The following GRIK2 variants were observed in gnomAD, a reference collection of about 807,000 sequenced individuals.
GRIK2 encodes the protein glutamate ionotropic receptor kainate type subunit 2.
Under a neutral mutation model 100.3 loss-of-function variants are expected in GRIK2, and 32 were observed. That is an observed-to-expected ratio of 0.32 (90% CI 0.24 to 0.43). GRIK2 has a LOEUF of 0.43. GRIK2 is among the 20% of genes least tolerant of loss of function. GRIK2 has a pLI of 1.00. For synonymous variants in GRIK2, 417 were observed against 389.4 expected, an observed-to-expected ratio of 1.07 and a Z score of -0.83; for missense variants, 843 against 1,114.9, an observed-to-expected ratio of 0.76 and a Z score of 3.47.
At chr6:101,987,156 T>C (rs1332663122) in intron 14 of GRIK2, among the ~76,000 whole-genome samples, 1 of 151,644 alleles carries the variant, frequency 6.6e-6, no homozygotes, top group African/African-American at 2.4e-5. Context: ...GTCTCTGAAA[T>C]AAATAAATAA....
At chr6:102,034,521 A>T (rs1409748272) in intron 14 of GRIK2, among the ~76,000 whole-genome samples, 1 of 151,356 alleles carries the variant, frequency 6.6e-6, no homozygotes, top group Non-Finnish European at 1.5e-5. Flanking sequence ...TCACAGATGA[A>T]CTTTCAAGGA....
intron 14 of GRIK2, among the ~76,000 whole-genome samples, chr6:101,986,136 G>C (rs1794004188): frequency 6.6e-6 from 1 of 151,732 alleles, no homozygotes; most frequent in Non-Finnish European, 1.5e-5. Context: ...ATGCACTCGT[G>C]ATGTGATTTA....
At chr6:101,733,860 T>C (rs1775457021) in intron 7 of GRIK2, among the ~76,000 whole-genome samples, 1 of 152,038 alleles carries the variant, frequency 6.6e-6, no homozygotes, top group African/African-American at 2.4e-5. Flanking sequence ...CACTAAAACA[T>C]AGTTCAGCCA....
chr6:101,993,496 TA>T (rs1462561901), intron 14 of GRIK2: 1 of 151,290 alleles, frequency 6.6e-6, no homozygotes, highest in African/African-American at 2.4e-5. Context: ...TCAAAGATGA[TA>T]AAATATGTAT....
chr6:101,901,171 GAAAT>G (rs1455227308), intron 12 of GRIK2, among the ~76,000 whole-genome samples: 1 of 151,806 alleles, frequency 6.6e-6, no homozygotes, highest in Non-Finnish European at 1.5e-5. Flanking sequence ...ATATTGGTAA[GAAAT>G]AATTTTTTAC....
intron 4 of GRIK2, among the ~76,000 whole-genome samples, chr6:101,670,974 C>G (rs62421764): frequency 2.0e-5 from 3 of 152,100 alleles, no homozygotes; most frequent in East Asian, 1.9e-4. Flanking sequence ...AGATTCAAAC[C>G]CAACACCCCA....
chr6:102,040,234 C>G (rs531905199), intron 15 of GRIK2, among the ~76,000 whole-genome samples: 2 of 151,312 alleles, frequency 1.3e-5, no homozygotes, highest in East Asian at 3.9e-4. Context: ...ATAATTTTAG[C>G]CATACACAAA....
chr6:101,913,235 A>G (rs1354102970), intron 12 of GRIK2, among the ~76,000 whole-genome samples: 2 of 151,508 alleles, frequency 1.3e-5, no homozygotes, highest in African/African-American at 4.8e-5. Flanking sequence ...CATTTTAGTG[A>G]TTGTTTTATT....
intron 14 of GRIK2, among the ~76,000 whole-genome samples, chr6:101,980,515 T>C (rs969463675): frequency 2.0e-5 from 3 of 151,986 alleles, no homozygotes; most frequent in African/African-American, 7.2e-5. Context: ...CTTATCTCTA[T>C]AATAAATTGT....
In GRIK2 at chr6:102,004,265, C is replaced by T. The variant is rs187788961; in HGVS notation, c.2086-31076C>T. 4.3e-3 allele frequency among the ~76,000 whole-genome samples: 639 copies of T among 146,902 alleles called. 3 individuals carry two copies. Among genetic ancestry groups the T allele is most frequent in the Non-Finnish European group, 7.6e-3 (505 of 66,810 alleles). ...ATAGTTCTTTATGTCCCTTATATAT[C>T]CATTTTTTTTCCTGTAAGTTCATTT... On this transcript the variant is annotated intron_variant, in intron 14 of 16. Transcript: ENST00000369134.
At chr6:101,473,591 T>C (rs1772066880) in intron 2 of GRIK2, among the ~76,000 whole-genome samples, 1 of 151,882 alleles carries the variant, frequency 6.6e-6, no homozygotes, top group Admixed American at 6.6e-5. Context: ...ACTATTCCAA[T>C]GACTAATTCT....
At chr6:101,999,865 T>G (rs565914786) in intron 14 of GRIK2, among the ~76,000 whole-genome samples, 21 of 152,188 alleles carry the variant, frequency 1.4e-4, no homozygotes, top group Non-Finnish European at 1.9e-4. Context: ...GAAATATTCT[T>G]TTTTAGTGTT....
At chr6:101,634,118 T>C (rs761230197) in intron 4 of GRIK2, among the ~76,000 whole-genome samples, 1 of 152,064 alleles carries the variant, frequency 6.6e-6, no homozygotes, top group South Asian at 2.1e-4. Context: ...TGGAGAGCAA[T>C]AGGGCAACAC....
intron 7 of GRIK2, among the ~76,000 whole-genome samples, chr6:101,758,117 G>A (rs1228060273): frequency 6.6e-6 from 1 of 152,142 alleles, no homozygotes; most frequent in Non-Finnish European, 1.5e-5. Flanking sequence ...CAGCTACTTG[G>A]GAGGCTGAGG....
chr6:101,789,909 A>T (rs1779718838), intron 7 of GRIK2, among the ~76,000 whole-genome samples: 2 of 152,134 alleles, frequency 1.3e-5, no homozygotes, highest in African/African-American at 4.8e-5. Flanking sequence ...TTCTCCTTGA[A>T]GAGGTCCTTC....
At chr6:102,062,079 T>C (rs1228010575) in intron 16 of GRIK2, among the ~76,000 whole-genome samples, 1 of 150,234 alleles carries the variant, frequency 6.7e-6, no homozygotes, top group Non-Finnish European at 1.5e-5. Context: ...ATAATGATCC[T>C]CAATTTTTCT....
intron 7 of GRIK2, among the ~76,000 whole-genome samples, chr6:101,793,193 C>G (rs562973228): frequency 6.6e-6 from 1 of 152,276 alleles, no homozygotes; most frequent in African/African-American, 2.4e-5. Context: ...CATCTGAAGC[C>G]TTCTTCTCTC....
At chr6:101,832,617 G>A (rs938161319) in intron 10 of GRIK2, among the ~76,000 whole-genome samples, 1 of 152,142 alleles carries the variant, frequency 6.6e-6, no homozygotes, top group Non-Finnish European at 1.5e-5. Flanking sequence ...CTTTAGAAGA[G>A]CTACGTATGA....
intron 4 of GRIK2, among the ~76,000 whole-genome samples, chr6:101,651,141 C>G (rs1781773315): frequency 6.6e-6 from 1 of 151,846 alleles, no homozygotes. Flanking sequence ...CAATTTTCCC[C>G]AGAATGAATA....
Sources: allele counts gnomAD v4.1 joint callset (sites outside exome capture counted in the v4.1 genomes callset), GRCh38; gene constraint gnomAD v4.1.1; transcripts MANE v1.5; gene names NCBI Gene and HGNC (gene_info 2026-07-23, HGNC 2026-07-21).